Variants in SPAST observed in about 807,000 individuals in gnomAD.
SPAST encodes spastic paraplegia 4 (autosomal dominant; spastin).
Under a neutral mutation model 76.6 loss-of-function variants are expected in SPAST, and 30 were observed. The observed-to-expected ratio is 0.39, with a 90% CI of 0.29 to 0.53. The LOEUF (loss-of-function observed/expected upper bound fraction) is 0.53. Ranked by LOEUF, SPAST falls within the 20% of genes least tolerant of loss-of-function variation. The probability of loss-of-function intolerance (pLI) is 0.68; values close to 1 mark genes in which losing one functional copy is unlikely to be tolerated. For synonymous variants in SPAST, 305 were observed against 281.0 expected (o/e 1.09, Z -0.86); for missense variants, 717 against 770.5 (o/e 0.93, Z 0.82).
intron 9 of SPAST, among the ~76,000 whole-genome samples, chr2:32,131,076 C>T (rs1679355677): frequency 6.6e-6 from 1 of 152,154 alleles, no homozygotes; most frequent in Non-Finnish European, 1.5e-5. Context: ...ATAGAGATAG[C>T]CTTGGTGTTG....
At chr2:32,110,890 GTA>G (rs1195437913) in intron 4 of SPAST, among the ~76,000 whole-genome samples, 2 of 97,448 alleles carry the variant, frequency 2.1e-5, no homozygotes, top group African/African-American at 7.9e-5. Flanking sequence ...TGTGTATAGA[GTA>G]TATATACAGT....
At chr2:32,072,894 A>G (rs918510294) in intron 1 of SPAST, among the ~76,000 whole-genome samples, 5 of 152,216 alleles carry the variant, frequency 3.3e-5, no homozygotes, top group Non-Finnish European at 5.9e-5. Flanking sequence ...TGATTAAACT[A>G]AGGAATAAAT....
intron 4 of SPAST, among the ~76,000 whole-genome samples, chr2:32,105,304 A>G (rs1363856746): frequency 6.6e-6 from 1 of 152,268 alleles, no homozygotes; most frequent in South Asian, 2.1e-4. Flanking sequence ...CAGCTCCATC[A>G]GGCCATTTAA....
intron 7 of SPAST, among the ~76,000 whole-genome samples, chr2:32,116,810 G>A (rs1353286306): frequency 3.9e-5 from 6 of 152,002 alleles, no homozygotes; most frequent in Non-Finnish European, 8.8e-5. Flanking sequence ...TTAAGATAAG[G>A]TACAAAAATT....
At chr2:32,138,125 G>C (rs999006752) in intron 12 of SPAST, among the ~76,000 whole-genome samples, 1 of 152,198 alleles carries the variant, frequency 6.6e-6, no homozygotes, top group Non-Finnish European at 1.5e-5. Context: ...CAATAAACAT[G>C]AAATGCATGT....
In SPAST at chr2:32,114,774, C is replaced by T. The variant is rs1344928753; in HGVS notation, c.819C>T (p.Ser273=). The T allele has an allele frequency of 6.2e-7, 1 of 1,614,058 alleles. No homozygotes were observed. Among genetic ancestry groups the T allele is most frequent in the Non-Finnish European group, 8.5e-7 (1 of 1,179,974 alleles). Residue 273 remains serine, a synonymous_variant, in exon 5 of 17, where the codon TCC becomes TCT. Transcript: ENST00000315285. ...GAGCACCTAGTTACAGTGGTTTATC[C>T]ATGGTTTCTGGAGTGAAACAGGGAT... ...HHRAPSYSGL[S]MVSGVKQGSG... is the part of the protein sequence containing the mutation.
At chr2:32,072,318 C>T (rs780509675) in intron 1 of SPAST, among the ~76,000 whole-genome samples, 37 of 152,318 alleles carry the variant, frequency 2.4e-4, no homozygotes, top group South Asian at 1.9e-3. Context: ...GCTGGGATTA[C>T]AGGCGTGAGC....
At chr2:32,090,376 C>A (rs1261215242) in intron 3 of SPAST, among the ~76,000 whole-genome samples, 1 of 152,070 alleles carries the variant, frequency 6.6e-6, no homozygotes, top group South Asian at 2.1e-4. Flanking sequence ...ACTTCACTGT[C>A]CCCCAACTTC....
Position 32,146,851 on chromosome 2 carries a change from CAAAAAAAAAAAA to C in SPAST, c.1688-349_1688-338del, listed in dbSNP as rs397984237. ...TGGGCAACAGAGCAAGACTCTGTCT[CAAAAAAAAAAAA>C]AAAAAAAAAAAAAAAAAGTAAATAC... On this transcript the variant is annotated intron_variant, in intron 15 of 16. Transcript: ENST00000315285. Among the ~76,000 whole-genome samples, 36 of 19,240 alleles carry C rather than the reference CAAAAAAAAAAAA, an allele frequency of 1.9e-3. 1 individual carries two copies. Among genetic ancestry groups the C allele is most frequent in the East Asian group, 6.0e-3 (3 of 496 alleles). 12.6% of individuals were successfully genotyped at this position (19,240 alleles called of 152,430 possible).
chr2:32,096,206 G>A (rs1031218335), intron 3 of SPAST, among the ~76,000 whole-genome samples: 18 of 151,296 alleles, frequency 1.2e-4, no homozygotes, highest in Non-Finnish European at 1.6e-4. Context: ...AGGCCGAGGC[G>A]GGCAGATCAC....
At position 32,141,890 on chromosome 2, in the gene SPAST, ATTT is replaced by A; in HGVS notation, c.1494-5_1494-3del. ...AAAATTATATTTCTAAAAGTGCTGGATTTTTTTTTTTAGGCGTTTCATCAAACG... is the reference window on the plus strand; with the variant it reads ...AAAATTATATTTCTAAAAGTGCTGGATTTTTTTTAGGCGTTTCATCAAACG... On this transcript the variant is annotated splice_polypyrimidine_tract_variant and intron_variant, in intron 12 of 16. Coordinates refer to ENST00000315285, the MANE Select transcript of SPAST (RefSeq NM_014946.4). 1.6e-6 allele frequency: 2 copies of A among 1,252,714 alleles called. No individual in the cohort carries two copies. Among genetic ancestry groups the A allele is most frequent in the Non-Finnish European group, 1.1e-6 (1 of 910,908 alleles). 77.6% of individuals were successfully genotyped at this position (1,252,714 alleles called of 1,614,324 possible). A position where few individuals can be genotyped will look rare whatever the true frequency, so the allele number is the denominator to read the frequency against.
intron 1 of SPAST, 26 bp downstream of exon 1, chr2:32,064,272 CGGCGGCGCCGGGAAGAAGGCGGTGGGGT>C: frequency 8.8e-6 from 5 of 570,568 alleles, no homozygotes; most frequent in South Asian, 3.6e-5. Context: ...GGGGAGGGGG[CGGCGGCGCCGGGAAGAAGGCGGTGGGGT>C]CGCCGGGGGA....
At chr2:32,147,618 T>G (rs1427857803) in intron 16 of SPAST, among the ~76,000 whole-genome samples, 4 of 118,908 alleles carry the variant, frequency 3.4e-5, no homozygotes, top group African/African-American at 6.3e-5. Context: ...CATCTGGCTG[T>G]TTTGTTTGTT....
At chr2:32,130,900 A>G (rs1679350387) in intron 9 of SPAST, among the ~76,000 whole-genome samples, 1 of 152,184 alleles carries the variant, frequency 6.6e-6, no homozygotes, top group Admixed American at 6.5e-5. Context: ...CAGACATGAG[A>G]TCAGAATTGT....
chr2:32,127,087 C>T, intron 8 of SPAST, 65 bp downstream of exon 8: 7 of 1,064,516 alleles, frequency 6.6e-6, no homozygotes, highest in Non-Finnish European at 1.0e-5. Flanking sequence ...AAAAAAGAAA[C>T]TTTATCTTGT....
At chr2:32,098,956 C>A in intron 4 of SPAST, 65 bp downstream of exon 4, 1 of 1,047,386 alleles carries the variant, frequency 9.5e-7, no homozygotes, top group Non-Finnish European at 1.5e-6. Flanking sequence ...CTTACTTAAC[C>A]TGATAATGTT....
intron 1 of SPAST, chr2:32,065,874 A>G (rs1017565806): frequency 2.6e-5 from 4 of 152,174 alleles, no homozygotes; most frequent in African/African-American, 9.7e-5. Context: ...TGTTTTGGAC[A>G]GTAAGGAAAG....
chr2:32,091,940 TATCTC>T (rs1376203998), intron 3 of SPAST, among the ~76,000 whole-genome samples: 2 of 152,190 alleles, frequency 1.3e-5, no homozygotes, highest in Admixed American at 6.5e-5. Context: ...CTAATAATAA[TATCTC>T]ATATTTTTGA....
chr2:32,084,070 G>A (rs1677373844), intron 1 of SPAST, among the ~76,000 whole-genome samples: 1 of 151,098 alleles, frequency 6.6e-6, no homozygotes, highest in Non-Finnish European at 1.5e-5. Context: ...ATGACCCACC[G>A]TGCCCAGCTG....
Sources: gnomAD v4.1 joint callset for allele counts (sites outside exome capture counted in the v4.1 genomes callset) on GRCh38, gnomAD v4.1.1 for gene constraint, MANE v1.5 for transcripts, NCBI Gene and HGNC (gene_info 2026-07-23, HGNC 2026-07-21) for gene names.